Variants in GRID2 observed in about 807,000 individuals in gnomAD.
GRID2 encodes glutamate receptor ionotropic, delta-2.
In GRID2, 33 loss-of-function variants were observed where a neutral mutation model predicts 114.8. The ratio of observed to expected loss-of-function variants is 0.29; its 90% CI spans 0.22 to 0.38. The LOEUF is 0.38. GRID2 is among the 10% of genes least tolerant of loss of function. The pLI, the probability that GRID2 is intolerant of heterozygous loss-of-function variation, is 1.00. For missense variants in GRID2, 1,184 were observed against 1,257.7 expected (o/e 0.94, Z 0.89); for synonymous variants, 505 against 449.9 (o/e 1.12, Z -1.55).
In GRID2 at chr4:92,596,318, C is replaced by T. The variant is rs951557220; in HGVS notation, c.244+6032C>T. The stretch of plus-strand genomic sequence containing the variant: ...TCCCACATCAAAGTCAAGGTTGTGC[C>T]TTGAGTCTCAATGTCTATCCCAGTG... On this transcript the variant is annotated intron_variant, in intron 2 of 15. Transcript: ENST00000282020. Among the ~76,000 whole-genome samples, 13 of 152,046 alleles carry T rather than the reference C, an allele frequency of 8.6e-5. 1 individual carries two copies. The highest frequency in any genetic ancestry group is 3.4e-3 in the Middle Eastern group (1 of 294).
intron 8 of GRID2, among the ~76,000 whole-genome samples, chr4:93,243,790 T>C (rs556898856): frequency 1.2e-3 from 179 of 152,218 alleles, no homozygotes; most frequent in African/African-American, 3.8e-3. Flanking sequence ...TGTTCTTCTA[T>C]TTTGTCATAA....
intron 2 of GRID2, among the ~76,000 whole-genome samples, chr4:92,604,833 C>G (rs535439764): frequency 6.6e-6 from 1 of 152,144 alleles, no homozygotes; most frequent in Non-Finnish European, 1.5e-5. Context: ...TATAGTTAGG[C>G]TTCCTTTTTC....
chr4:93,542,557 G>C (rs1407558284), intron 13 of GRID2, among the ~76,000 whole-genome samples: 2 of 152,150 alleles, frequency 1.3e-5, no homozygotes, highest in Non-Finnish European at 2.9e-5. Flanking sequence ...GAGCAGAAAA[G>C]AGCAGAGGAT....
chr4:93,539,827 T>C (rs796796954), intron 13 of GRID2, among the ~76,000 whole-genome samples: 1 of 152,130 alleles, frequency 6.6e-6, no homozygotes, highest in African/African-American at 2.4e-5. Flanking sequence ...GTTTGTGTGC[T>C]CTGGAAGTTT....
intron 2 of GRID2, among the ~76,000 whole-genome samples, chr4:92,798,991 A>C (rs1324563846): frequency 6.6e-6 from 1 of 151,996 alleles, no homozygotes; most frequent in Non-Finnish European, 1.5e-5. Flanking sequence ...CCTTTTTGAC[A>C]CCAGGGATAC....
chr4:93,095,253 C>A (rs542728735), intron 3 of GRID2, among the ~76,000 whole-genome samples: 1 of 152,052 alleles, frequency 6.6e-6, no homozygotes, highest in African/African-American at 2.4e-5. Flanking sequence ...TTAGGTATTT[C>A]TCCTAATGCT....
chr4:93,039,873 G>A (rs925847298), intron 2 of GRID2, among the ~76,000 whole-genome samples: 14 of 152,182 alleles, frequency 9.2e-5, no homozygotes, highest in East Asian at 1.9e-4. Flanking sequence ...CTCAATTAAC[G>A]TCCATTTCTA....
chr4:92,949,868 C>A (rs1751902964), intron 2 of GRID2, among the ~76,000 whole-genome samples: 1 of 151,960 alleles, frequency 6.6e-6, no homozygotes, highest in Non-Finnish European at 1.5e-5. Context: ...TGATACTCTT[C>A]AGGATCTAAT....
chr4:93,510,714 A>G (rs1272839253), intron 12 of GRID2, among the ~76,000 whole-genome samples: 1 of 152,104 alleles, frequency 6.6e-6, no homozygotes, highest in Non-Finnish European at 1.5e-5. Flanking sequence ...CAGGGGGGAA[A>G]AATTCCACAA....
intron 2 of GRID2, among the ~76,000 whole-genome samples, chr4:93,039,506 G>GTA (rs940938515): frequency 6.6e-6 from 1 of 151,850 alleles, no homozygotes; most frequent in Non-Finnish European, 1.5e-5. Context: ...GTATATACAT[G>GTA]TATATATATT....
At chr4:93,143,507 G>A (rs1735940536) in intron 4 of GRID2, among the ~76,000 whole-genome samples, 1 of 152,120 alleles carries the variant, frequency 6.6e-6, no homozygotes, top group Non-Finnish European at 1.5e-5. Flanking sequence ...CTACCATGTT[G>A]CATGTGCATG....
intron 3 of GRID2, among the ~76,000 whole-genome samples, chr4:93,088,976 T>A (rs1197010717): frequency 1.3e-5 from 2 of 152,176 alleles, no homozygotes. Context: ...ACATTTACTA[T>A]ATCCAGCCTC....
intron 1 of GRID2, among the ~76,000 whole-genome samples, chr4:92,405,567 ATTTG>A (rs1462437305): frequency 1.3e-5 from 2 of 152,002 alleles, no homozygotes; most frequent in Non-Finnish European, 2.9e-5. Flanking sequence ...ATCTTTTTAT[ATTTG>A]TTTTCTTAAA....
chr4:93,550,577 G>T (rs997668813), intron 13 of GRID2, among the ~76,000 whole-genome samples: 1 of 152,150 alleles, frequency 6.6e-6, no homozygotes, highest in African/African-American at 2.4e-5. Flanking sequence ...GGCATTCATA[G>T]ATTTGAAGAC....
intron 1 of GRID2, among the ~76,000 whole-genome samples, chr4:92,438,836 A>G (rs1732865134): frequency 6.6e-6 from 1 of 152,190 alleles, no homozygotes; most frequent in African/African-American, 2.4e-5. Flanking sequence ...TCCCCTGTGC[A>G]TCTATTCATG....
At chr4:93,171,927 T>C (rs976375903) in intron 4 of GRID2, among the ~76,000 whole-genome samples, 1 of 152,178 alleles carries the variant, frequency 6.6e-6, no homozygotes, top group African/African-American at 2.4e-5. Context: ...GTCATCACAT[T>C]TCAATATAGC....
intron 2 of GRID2, among the ~76,000 whole-genome samples, chr4:92,682,515 T>C (rs760095684): frequency 1.3e-5 from 2 of 152,158 alleles, no homozygotes; most frequent in African/African-American, 2.4e-5. Flanking sequence ...TTCATATCTT[T>C]GTGATTACAC....
intron 14 of GRID2, among the ~76,000 whole-genome samples, chr4:93,703,910 C>A (rs1052058317): frequency 4.6e-5 from 7 of 152,042 alleles, no homozygotes; most frequent in African/African-American, 1.7e-4. Flanking sequence ...GGACATTTGG[C>A]TTGGTTCCAA....
chr4:93,523,635 T>C (rs890994396), intron 13 of GRID2, among the ~76,000 whole-genome samples: 5 of 152,080 alleles, frequency 3.3e-5, no homozygotes, highest in African/African-American at 1.2e-4. Context: ...GTTGATAAGA[T>C]GAGTGTAGGT....
Sources: allele counts gnomAD v4.1 joint callset (sites outside exome capture counted in the v4.1 genomes callset), GRCh38; gene constraint gnomAD v4.1.1; transcripts MANE v1.5; gene names NCBI Gene and HGNC (gene_info 2026-07-23, HGNC 2026-07-21).